RAB38: variants seen among roughly 807,000 people sequenced by gnomAD.
The protein encoded by RAB38 is ras-related protein Rab-38.
RAB38 carries 15 observed loss-of-function variants against 18.4 expected under a neutral mutation model. That is an observed-to-expected ratio of 0.82 (90% CI 0.55 to 1.26). The LOEUF (loss-of-function observed/expected upper bound fraction) is 1.26, where lower values mean the gene tolerates loss of function less well. Ranked by LOEUF, RAB38 falls within the 50% of genes most tolerant of loss-of-function variation. The pLI is 0.00. For missense variants in RAB38, 294 were observed against 267.4 expected (o/e 1.10, Z -0.69); for synonymous variants, 101 against 104.4 (o/e 0.97, Z 0.20).
At chr11:87,822,006 TA>T in the RAB38 span, among the ~76,000 whole-genome samples, 80 of 152,224 alleles carry the variant, frequency 5.3e-4, 1 homozygote, top group Admixed American at 5.2e-3. Context: ...TGATTAATTT[TA>T]AACTTTGAGA....
At chr11:88,059,798 C>CTTTTTTTTTTTTTTTTTTTTTTTTTTTTT in the RAB38 span, among the ~76,000 whole-genome samples, 1 of 152,034 alleles carries the variant, frequency 6.6e-6, no homozygotes, top group African/African-American at 2.4e-5. Flanking sequence ...TTGGAGCCTT[C>CTTTTTTTTTTTTTTTTTTTTTTTTTTTTT]TAAGACCCTG....
the RAB38 span, among the ~76,000 whole-genome samples, chr11:88,037,515 T>C: frequency 1.3e-5 from 2 of 152,086 alleles, no homozygotes; most frequent in Non-Finnish European, 2.9e-5. Context: ...TATAAACACA[T>C]CATAATCAAG....
the RAB38 span, among the ~76,000 whole-genome samples, chr11:87,861,524 A>G: frequency 6.6e-6 from 1 of 151,952 alleles, no homozygotes; most frequent in East Asian, 1.9e-4. Context: ...AAAGCCAGTC[A>G]AGAGCAAAGG....
At chr11:87,937,437 T>C in the RAB38 span, among the ~76,000 whole-genome samples, 1 of 150,392 alleles carries the variant, frequency 6.6e-6, no homozygotes, top group African/African-American at 2.4e-5. Flanking sequence ...TTGGTTTTTA[T>C]ATTGGAGCAT....
chr11:87,916,579 C>A, the RAB38 span, among the ~76,000 whole-genome samples: 1 of 152,130 alleles, frequency 6.6e-6, no homozygotes, highest in East Asian at 1.9e-4. Context: ...GCTTCTCATA[C>A]TTCCCAGCCT....
At chr11:88,143,544 G>A (rs1397320219) in intron 2 of RAB38, among the ~76,000 whole-genome samples, 1 of 135,538 alleles carries the variant, frequency 7.4e-6, no homozygotes, top group Non-Finnish European at 1.7e-5. Flanking sequence ...ATGTTCTAAG[G>A]TGTCTAAATT....
the RAB38 span, among the ~76,000 whole-genome samples, chr11:87,870,394 T>G: frequency 6.6e-6 from 1 of 151,630 alleles, no homozygotes; most frequent in Non-Finnish European, 1.5e-5. Flanking sequence ...GGTCTTATGT[T>G]TGTGATGCAG....
chr11:88,027,855 G>C, the RAB38 span, among the ~76,000 whole-genome samples: 50 of 152,300 alleles, frequency 3.3e-4, no homozygotes, highest in African/African-American at 1.2e-3. Context: ...GTCCCTGTCT[G>C]ACAGCTTTGA....
the RAB38 span, chr11:88,098,753 G>A: frequency 3.1e-3 from 472 of 152,020 alleles, 2 homozygotes; most frequent in African/African-American, 0.011. Flanking sequence ...CAGCTTACTT[G>A]AACTTGCTAT....
the RAB38 span, among the ~76,000 whole-genome samples, chr11:87,912,762 C>CTTTTTATTTTTTTTTTTTT: frequency 1.2e-5 from 1 of 86,566 alleles, no homozygotes; most frequent in Non-Finnish European, 2.3e-5. Context: ...AATTTTCTTT[C>CTTTTTATTTTTTTTTTTTT]TTTCTTTTTT....
At chr11:88,036,573 C>T in the RAB38 span, among the ~76,000 whole-genome samples, 1 of 151,906 alleles carries the variant, frequency 6.6e-6, no homozygotes, top group Non-Finnish European at 1.5e-5. Flanking sequence ...TGTGCATTTC[C>T]TTTTTTCTTA....
intron 1 of RAB38, among the ~76,000 whole-genome samples, chr11:88,164,864 G>T (rs1943229527): frequency 6.6e-6 from 1 of 151,818 alleles, no homozygotes; most frequent in Non-Finnish European, 1.5e-5. Flanking sequence ...CATGCATACA[G>T]ATCCTTCTAC....
At chr11:88,040,849 G>A in the RAB38 span, among the ~76,000 whole-genome samples, 1 of 152,194 alleles carries the variant, frequency 6.6e-6, no homozygotes, top group African/African-American at 2.4e-5. Context: ...CACTTGCCAT[G>A]TTGCACGAAT....
At chr11:87,831,405 G>T in the RAB38 span, among the ~76,000 whole-genome samples, 2 of 152,178 alleles carry the variant, frequency 1.3e-5, no homozygotes, top group African/African-American at 4.8e-5. Context: ...AAGTGCCAAA[G>T]AGCATGGATC....
chr11:87,820,250 T>C, the RAB38 span, among the ~76,000 whole-genome samples: 1 of 152,190 alleles, frequency 6.6e-6, no homozygotes, highest in Admixed American at 6.5e-5. Context: ...CCAAGCCTGA[T>C]GTCTGCCAAA....
At chr11:87,888,571 C>A in the RAB38 span, among the ~76,000 whole-genome samples, 1 of 151,854 alleles carries the variant, frequency 6.6e-6, no homozygotes, top group African/African-American at 2.4e-5. Context: ...CATGTACAAG[C>A]ATCATTTATG....
At chr11:87,949,097 T>G in the RAB38 span, among the ~76,000 whole-genome samples, 1 of 152,200 alleles carries the variant, frequency 6.6e-6, no homozygotes, top group African/African-American at 2.4e-5. Flanking sequence ...GAGATTCAAC[T>G]TCTTCCTGGT....
the RAB38 span, among the ~76,000 whole-genome samples, chr11:87,939,287 T>C: frequency 6.6e-6 from 1 of 151,676 alleles, no homozygotes; most frequent in Non-Finnish European, 1.5e-5. Flanking sequence ...CATTGATACA[T>C]ACACACACAC....
At chr11:87,914,212 C>G in the RAB38 span, among the ~76,000 whole-genome samples, 9 of 152,110 alleles carry the variant, frequency 5.9e-5, no homozygotes, top group East Asian at 1.6e-3. Context: ...AAATTTGAAG[C>G]TTTTTAGAGA....
Sources: allele counts gnomAD v4.1 joint callset (sites outside exome capture counted in the v4.1 genomes callset), GRCh38; gene constraint gnomAD v4.1.1; transcripts MANE v1.5; gene names NCBI Gene and HGNC (gene_info 2026-07-23, HGNC 2026-07-21).